The following CLVS1 variants were observed in gnomAD, a reference collection of about 807,000 sequenced individuals.
CLVS1 encodes the protein clavesin-1.
In CLVS1, 10 loss-of-function variants were observed where a neutral mutation model predicts 33.1. The observed-to-expected ratio is 0.30, with a 90% CI of 0.19 to 0.51. The LOEUF is 0.51. Among genes scored for constraint, CLVS1 ranks in the 20% least tolerant of loss-of-function variants. The pLI is 0.97. For synonymous variants in CLVS1, 163 were observed against 166.1 expected (o/e 0.98, Z 0.14); for missense variants, 343 against 433.4 (o/e 0.79, Z 1.85).
chr8:61,189,777 G>A (rs937383453), intron 2 of CLVS1, among the ~76,000 whole-genome samples: 6 of 152,154 alleles, frequency 3.9e-5, no homozygotes, highest in African/African-American at 1.2e-4. Context: ...AGACAAAGAA[G>A]TCCATTACAT....
intron 2 of CLVS1, among the ~76,000 whole-genome samples, chr8:61,374,285 C>G (rs1813556652): frequency 6.6e-6 from 1 of 152,132 alleles, no homozygotes; most frequent in South Asian, 2.1e-4. Flanking sequence ...TTGATCCTCT[C>G]CCCTTTTATT....
intron 1 of CLVS1, among the ~76,000 whole-genome samples, chr8:61,107,717 T>A (rs10504316): frequency 1.3e-5 from 2 of 152,158 alleles, no homozygotes; most frequent in African/African-American, 2.4e-5. Flanking sequence ...GTCTCCCCAT[T>A]GCGTTACTAA....
At chr8:61,098,701 A>G (rs943250414) in intron 1 of CLVS1, among the ~76,000 whole-genome samples, 2 of 152,100 alleles carry the variant, frequency 1.3e-5, no homozygotes, top group African/African-American at 4.8e-5. Flanking sequence ...CAACTTCCTT[A>G]GGGTTGTATG....
At chr8:61,192,526 G>A (rs972082613) in intron 2 of CLVS1, among the ~76,000 whole-genome samples, 3 of 151,932 alleles carry the variant, frequency 2.0e-5, no homozygotes, top group African/African-American at 4.8e-5. Flanking sequence ...TGTCAAATAC[G>A]ATCTAATTAA....
intron 2 of CLVS1, among the ~76,000 whole-genome samples, chr8:61,330,326 T>A (rs767341819): frequency 1.3e-5 from 2 of 152,116 alleles, no homozygotes; most frequent in Admixed American, 1.3e-4. Flanking sequence ...AGGGGACACA[T>A]GGCAGAAAAT....
the CLVS1 span, among the ~76,000 whole-genome samples, chr8:60,981,881 A>G: frequency 6.6e-6 from 1 of 152,244 alleles, no homozygotes; most frequent in Non-Finnish European, 1.5e-5. Flanking sequence ...GGCGCGACGA[A>G]TTAGATGGGG....
intron 3 of CLVS1, among the ~76,000 whole-genome samples, chr8:61,428,885 C>T (rs1187694583): frequency 1.3e-5 from 2 of 152,116 alleles, no homozygotes; most frequent in African/African-American, 2.4e-5. Context: ...AATTAAAACC[C>T]GCGTTATTCA....
At chr8:61,443,173 G>A (rs1181864826) in intron 3 of CLVS1, among the ~76,000 whole-genome samples, 1 of 152,152 alleles carries the variant, frequency 6.6e-6, no homozygotes, top group Non-Finnish European at 1.5e-5. Flanking sequence ...CGTTATCTCA[G>A]TCTACAGTTT....
At chr8:61,179,074 C>A (rs950884398) in intron 2 of CLVS1, among the ~76,000 whole-genome samples, 2 of 152,036 alleles carry the variant, frequency 1.3e-5, no homozygotes, top group African/African-American at 4.8e-5. Context: ...GGGTCAAGAC[C>A]CATTGGTGTG....
chr8:61,288,354 TAC>T, intron 1 of CLVS1: 1 of 440,428 alleles, frequency 2.3e-6, no homozygotes, highest in South Asian at 1.6e-5. Context: ...TGCGCCCCCT[TAC>T]ACATCAGCAC....
chr8:61,448,297 T>G (rs1816828454), intron 3 of CLVS1, among the ~76,000 whole-genome samples: 1 of 152,166 alleles, frequency 6.6e-6, no homozygotes, highest in South Asian at 2.1e-4. Context: ...TTCTAAATTA[T>G]GGAAGTTTTC....
At chr8:60,967,988 G>C in the CLVS1 span, among the ~76,000 whole-genome samples, 1 of 152,240 alleles carries the variant, frequency 6.6e-6, no homozygotes, top group East Asian at 1.9e-4. Context: ...GCCCAGGCTG[G>C]AGTGCAGTGG....
chr8:61,306,883 A>G (rs1222598686), intron 2 of CLVS1, among the ~76,000 whole-genome samples: 1 of 152,230 alleles, frequency 6.6e-6, no homozygotes, highest in Non-Finnish European at 1.5e-5. Flanking sequence ...AAAGTATACA[A>G]AAATACAGCT....
chr8:61,045,070 T>C, the CLVS1 span, among the ~76,000 whole-genome samples: 995 of 152,330 alleles, frequency 6.5e-3, 7 homozygotes, highest in Middle Eastern at 0.017. Flanking sequence ...GGAGCCATCA[T>C]GAAGGCAGAA....
At chr8:60,966,965 A>G in the CLVS1 span, among the ~76,000 whole-genome samples, 2 of 152,230 alleles carry the variant, frequency 1.3e-5, no homozygotes. Flanking sequence ...ATGATAATTA[A>G]CATGCCATGA....
intron 2 of CLVS1, among the ~76,000 whole-genome samples, chr8:61,353,392 A>G (rs1254127014): frequency 6.6e-6 from 1 of 152,062 alleles, no homozygotes; most frequent in African/African-American, 2.4e-5. Context: ...TAACAGAAAG[A>G]AAACACAAAA....
At chr8:61,305,286 C>T (rs1174777218) in intron 2 of CLVS1, among the ~76,000 whole-genome samples, 3 of 151,972 alleles carry the variant, frequency 2.0e-5, no homozygotes, top group Middle Eastern at 6.8e-3. Flanking sequence ...AGTTCAGTGG[C>T]AGTACCTACG....
At chr8:61,408,392 T>A (rs1325969945) in intron 3 of CLVS1, among the ~76,000 whole-genome samples, 1 of 152,138 alleles carries the variant, frequency 6.6e-6, no homozygotes, top group Non-Finnish European at 1.5e-5. Flanking sequence ...GAGATTCGAT[T>A]GAAAAGACAG....
At chr8:61,217,381 AG>A (rs1808111381) in intron 2 of CLVS1, among the ~76,000 whole-genome samples, 1 of 152,192 alleles carries the variant, frequency 6.6e-6, no homozygotes, top group South Asian at 2.1e-4. Context: ...GAGGAGGGAA[AG>A]TAGCTTGCAA....
Sources: allele counts gnomAD v4.1 joint callset (sites outside exome capture counted in the v4.1 genomes callset), GRCh38; gene constraint gnomAD v4.1.1; transcripts MANE v1.5; gene names NCBI Gene and HGNC (gene_info 2026-07-23, HGNC 2026-07-21).